The following HSF5 variants were observed in gnomAD, a reference collection of about 807,000 sequenced individuals.
HSF5 encodes the protein heat shock transcription factor 5, also known as heat shock factor protein 5.
In HSF5, 5 loss-of-function variants were observed where a neutral mutation model predicts 50.8. That is an observed-to-expected ratio of 0.10 (90% CI 0.05 to 0.21). The LOEUF is 0.21. HSF5 is among the 10% of genes least tolerant of loss of function. HSF5 has a pLI of 1.00. For missense variants in HSF5, 564 were observed against 762.6 expected (o/e 0.74, Z 3.07); for synonymous variants, 307 against 307.4 (o/e 1.00, Z 0.02).
intron 1 of HSF5, among the ~76,000 whole-genome samples, chr17:58,480,699 C>T (rs972625581): frequency 2.0e-5 from 3 of 151,602 alleles, no homozygotes; most frequent in African/African-American, 7.3e-5. Context: ...AAGCTCTCCA[C>T]CAAAAAATAA....
At chr17:58,437,256 G>A (rs983280137) in intron 5 of HSF5, among the ~76,000 whole-genome samples, 2 of 152,088 alleles carry the variant, frequency 1.3e-5, no homozygotes, top group African/African-American at 4.8e-5. Flanking sequence ...GGCATTCTTG[G>A]TATAGGGTAA....
At chr17:58,439,990 T>G (rs1258162758) in intron 5 of HSF5, among the ~76,000 whole-genome samples, 1 of 152,058 alleles carries the variant, frequency 6.6e-6, no homozygotes, top group Non-Finnish European at 1.5e-5. Context: ...ATTTTTTTTT[T>G]TAATGATATG....
At chr17:58,472,596 A>G (rs908447088) in intron 2 of HSF5, among the ~76,000 whole-genome samples, 2 of 152,222 alleles carry the variant, frequency 1.3e-5, no homozygotes, top group Admixed American at 1.3e-4. Flanking sequence ...TCCTCACTCA[A>G]ACTATTAAGG....
At chr17:58,446,124 T>G (rs1468958014) in intron 5 of HSF5, among the ~76,000 whole-genome samples, 3 of 115,494 alleles carry the variant, frequency 2.6e-5, no homozygotes, top group African/African-American at 7.0e-5. Flanking sequence ...GCGACAAGAG[T>G]GAAACTCCAT....
chr17:58,431,980 T>C (rs1974370529), intron 5 of HSF5, among the ~76,000 whole-genome samples: 1 of 152,186 alleles, frequency 6.6e-6, no homozygotes, highest in African/African-American at 2.4e-5. Flanking sequence ...GTTTCAGTTT[T>C]GCAAGATGAA....
chr17:58,488,183 C>A lies in HSF5; in HGVS notation c.92G>T (p.Arg31Leu). ...LVNSPRYRSI[R>L]WDGRGEGLLI... Reference sequence around the variant, plus strand: ...CAGCCCCTCGCCGCGGCCGTCCCAGCGGATGGAGCGGTAGCGCGGGCTGTT... The same window carrying A: ...CAGCCCCTCGCCGCGGCCGTCCCAGAGGATGGAGCGGTAGCGCGGGCTGTT... The change falls in exon 1 of 6, where the codon CGC becomes CTC. Residue 31 changes from arginine to leucine, a missense_variant. Physicochemically the swap from Arg to Leu is moderately radical, Grantham distance 102. Coordinates refer to ENST00000323777, the MANE Select transcript of HSF5 (RefSeq NM_001080439.3). The surrounding 1 kb of genome is among the most constrained non-coding windows in gnomAD (Gnocchi z 4.1). 6.5e-7 allele frequency: 1 copy of A among 1,529,698 alleles called. No individual in the cohort carries two copies. The highest frequency in any genetic ancestry group is 8.7e-7 in the Non-Finnish European group (1 of 1,151,956). The allele number at this position is 1,529,698 out of a possible 1,614,324, so 94.8% of individuals were successfully genotyped here.
intron 5 of HSF5, among the ~76,000 whole-genome samples, chr17:58,425,422 A>G (rs1462001046): frequency 6.7e-6 from 1 of 148,168 alleles, no homozygotes; most frequent in Non-Finnish European, 1.5e-5. Flanking sequence ...AAAAAAAAAA[A>G]TTACAATGTG....
intron 5 of HSF5, among the ~76,000 whole-genome samples, chr17:58,446,015 G>A (rs556810702): frequency 6.6e-6 from 1 of 151,654 alleles, no homozygotes; most frequent in African/African-American, 2.4e-5. Context: ...GCAGGCGCCT[G>A]TAATACCAGC....
At chr17:58,487,416 G>C (rs1975200443) in intron 1 of HSF5, among the ~76,000 whole-genome samples, 1 of 152,222 alleles carries the variant, frequency 6.6e-6, no homozygotes, top group Non-Finnish European at 1.5e-5. Flanking sequence ...GTAAACTCCT[G>C]GGGTTCAAAC....
At chr17:58,477,270 C>T (rs979448394) in intron 2 of HSF5, among the ~76,000 whole-genome samples, 27 of 151,282 alleles carry the variant, frequency 1.8e-4, no homozygotes, top group Non-Finnish European at 3.4e-4. Context: ...CAGGCACCCG[C>T]CACCATGCCT....
At chr17:58,466,843 C>T in intron 3 of HSF5, 42 bp downstream of exon 3, 1 of 1,213,538 alleles carries the variant, frequency 8.2e-7, no homozygotes, top group Non-Finnish European at 1.2e-6. Flanking sequence ...GATAAAATTG[C>T]ACATAAAGCG....
In HSF5 at chr17:58,426,956, G is replaced by GA. The variant is rs544475792; in HGVS notation, c.1721-4527dup. Among the ~76,000 whole-genome samples, 14 of 151,110 alleles carry GA rather than the reference G, an allele frequency of 9.3e-5. No homozygotes were observed. The East Asian group carries it at 1.4e-3, about 15-fold the overall frequency. On this transcript the variant is annotated intron_variant, in intron 5 of 5. Transcript: ENST00000323777. Reference sequence around the variant, plus strand: ...ACCTAATCAATTCGAAGTCTCTTATGAAAAAAAAATGTTGGCCAGGTGCGG... The same window carrying GA: ...ACCTAATCAATTCGAAGTCTCTTATGAAAAAAAAAATGTTGGCCAGGTGCGG...
At chr17:58,432,336 CAAAG>C (rs1022864407) in intron 5 of HSF5, among the ~76,000 whole-genome samples, 3 of 151,822 alleles carry the variant, frequency 2.0e-5, no homozygotes, top group Non-Finnish European at 4.4e-5. Context: ...AGAAGAAAAA[CAAAG>C]AAGAATAAAG....
chr17:58,458,271 A>G (rs932081415), intron 5 of HSF5, among the ~76,000 whole-genome samples: 2 of 152,218 alleles, frequency 1.3e-5, no homozygotes, highest in African/African-American at 4.8e-5. Flanking sequence ...ACAAACCACA[A>G]GAATAACAAA....
At chr17:58,454,592 A>G (rs1974684510) in intron 5 of HSF5, among the ~76,000 whole-genome samples, 1 of 152,212 alleles carries the variant, frequency 6.6e-6, no homozygotes, top group Admixed American at 6.5e-5. Context: ...AACCCTAAAG[A>G]TTCCACCAAA....
At position 58,444,649 on chromosome 17, in the gene HSF5, T is replaced by G. The variant is rs114200743; in HGVS notation, c.1720+14119A>C. 8.4e-3 allele frequency among the ~76,000 whole-genome samples: 1,271 copies of G among 152,176 alleles called. 14 individuals are homozygous for G. Among genetic ancestry groups the G allele is most frequent in the African/African-American group, 0.028 (1,173 of 41,528 alleles). Reference sequence around the variant, plus strand: ...AATCCTAGAAGAAAACAGAGAGAGATAACTTCACGACACTGGACTTGGCAA... The same window carrying G: ...AATCCTAGAAGAAAACAGAGAGAGAGAACTTCACGACACTGGACTTGGCAA... On this transcript the variant is annotated intron_variant, in intron 5 of 5. Coordinates refer to ENST00000323777, the MANE Select transcript of HSF5 (RefSeq NM_001080439.3).
At chr17:58,472,406 T>C (rs979405118) in intron 2 of HSF5, among the ~76,000 whole-genome samples, 1 of 152,064 alleles carries the variant, frequency 6.6e-6, no homozygotes, top group Admixed American at 6.6e-5. Context: ...AGACCAGGAG[T>C]TCAGGCTGCA....
intron 2 of HSF5, chr17:58,476,898 T>A: frequency 9.4e-7 from 1 of 1,060,808 alleles, no homozygotes; most frequent in Non-Finnish European, 1.4e-6. Context: ...TCGTCGGCCC[T>A]GTAGTGGTTG....
intron 2 of HSF5, among the ~76,000 whole-genome samples, chr17:58,474,756 T>TGAAAAAA (rs1974988573): frequency 6.6e-6 from 1 of 152,128 alleles, no homozygotes; most frequent in Non-Finnish European, 1.5e-5. Flanking sequence ...TGGAATACAT[T>TGAAAAAA]TTCAGGCTGG....
Sources: allele counts gnomAD v4.1 joint callset (sites outside exome capture counted in the v4.1 genomes callset), GRCh38; gene constraint gnomAD v4.1.1; non-coding constraint Gnocchi (gnomAD v3.1); transcripts MANE v1.5; gene names NCBI Gene and HGNC (gene_info 2026-07-23, HGNC 2026-07-21).